Variants in POLN observed in about 807,000 individuals in gnomAD.
POLN encodes DNA polymerase nu.
In POLN, 108 loss-of-function variants were observed where a neutral mutation model predicts 113.5. The ratio of observed to expected loss-of-function variants is 0.95; its 90% CI spans 0.81 to 1.12. The LOEUF is 1.12. Among genes scored for constraint, POLN ranks in the 50% most tolerant of loss-of-function variants. The probability of loss-of-function intolerance (pLI) is 0.00; values close to 1 mark genes in which losing one functional copy is unlikely to be tolerated. For synonymous variants in POLN, 386 were observed against 391.5 expected (o/e 0.99, Z 0.17); for missense variants, 1,097 against 1,077.1 (o/e 1.02, Z -0.26).
intron 2 of POLN, chr4:2,240,758 A>G (rs1424226585): frequency 6.2e-7 from 1 of 1,613,994 alleles, no homozygotes; most frequent in Middle Eastern, 1.6e-4. Context: ...ATTTCTGAAG[A>G]ATGCTAAAAG....
At position 2,179,419 on chromosome 4, in the gene POLN, T is replaced by C; in HGVS notation, c.1068A>G (p.Ile356Met). 2 of 1,613,982 alleles carry C rather than the reference T, an allele frequency of 1.2e-6. No individual in the cohort carries two copies. The highest frequency in any genetic ancestry group is 8.5e-7 in the Non-Finnish European group (1 of 1,179,832). The change falls in exon 8 of 26, where the codon ATA becomes ATG. Residue 356 changes from isoleucine to methionine, a missense_variant. Coordinates refer to ENST00000511885, the MANE Select transcript of POLN (RefSeq NM_181808.4). ...GLDPRIAAWL[I>M]DPSDATPSFE... Reference sequence around the variant, plus strand: ...AAGAGGGTGTGGCATCACTAGGATCTATAAGCCATGCAGCAATTCTGGGAT... The same window carrying C: ...AAGAGGGTGTGGCATCACTAGGATCCATAAGCCATGCAGCAATTCTGGGAT...
At chr4:2,078,021 G>C (rs1730316804) in intron 23 of POLN, among the ~76,000 whole-genome samples, 1 of 152,212 alleles carries the variant, frequency 6.6e-6, no homozygotes, top group African/African-American at 2.4e-5. Flanking sequence ...ACCAGTAGGA[G>C]AATGTTCCAG....
intron 19 of POLN, among the ~76,000 whole-genome samples, chr4:2,108,041 C>T (rs918824430): frequency 7.9e-5 from 12 of 152,196 alleles, no homozygotes; most frequent in Non-Finnish European, 2.9e-5. Flanking sequence ...TTCCCTTCCT[C>T]TGTTGGATTT....
chr4:2,176,412 C>G, intron 8 of POLN, 78 bp from the exon 9 acceptor site: 1 of 1,146,274 alleles, frequency 8.7e-7, no homozygotes, highest in Non-Finnish European at 1.2e-6. Flanking sequence ...ACTGACATGA[C>G]TTGAAAAATG....
Position 2,072,407 on chromosome 4 carries a change from C to A in POLN, c.2518-108G>T, listed in dbSNP as rs935318878. On this transcript the variant is annotated intron_variant, in intron 25 of 25. Coordinates refer to ENST00000511885, the MANE Select transcript of POLN (RefSeq NM_181808.4). Reference sequence around the variant, plus strand: ...GCCTACAGCACACAGGTGCACACATCCAGATACATGATCAGACAGCCACAC... The same window carrying A: ...GCCTACAGCACACAGGTGCACACATACAGATACATGATCAGACAGCCACAC... 3 of 931,838 alleles carry A rather than the reference C, an allele frequency of 3.2e-6. No individual in the cohort carries two copies. In the African/African-American group the frequency reaches 5.0e-5, roughly 16 times the overall value. The allele number at this position is 931,838 out of a possible 1,614,324, so 57.7% of individuals were successfully genotyped here. A position where few individuals can be genotyped will look rare whatever the true frequency, so the allele number is the denominator to read the frequency against.
At chr4:2,105,108 A>C (rs904323675) in intron 19 of POLN, among the ~76,000 whole-genome samples, 1 of 152,136 alleles carries the variant, frequency 6.6e-6, no homozygotes, top group Non-Finnish European at 1.5e-5. Flanking sequence ...CAGGCTCAAC[A>C]AATTTGCGAC....
At chr4:2,143,815 T>C (rs1405898176) in intron 16 of POLN, among the ~76,000 whole-genome samples, 3 of 152,166 alleles carry the variant, frequency 2.0e-5, no homozygotes, top group Admixed American at 6.5e-5. Flanking sequence ...TTTAAAAATA[T>C]ATGATCCAAC....
intron 8 of POLN, among the ~76,000 whole-genome samples, chr4:2,178,573 G>T (rs1733050792): frequency 6.6e-6 from 1 of 151,766 alleles, no homozygotes; most frequent in African/African-American, 2.4e-5. Flanking sequence ...ATAACTAGGG[G>T]TATCTCTAGC....
rs1010487158 is a variant in POLN, at chr4:2,093,525, G to A, written c.2065+2326C>T. ...AGGAGCTGATAGGGTTGGGGATCAA[G>A]CCCAGGCTGCCGGGCCCAGGACTGG... On this transcript the variant is annotated intron_variant, in intron 20 of 25. Transcript: ENST00000511885. The surrounding 1 kb of genome is among the most constrained non-coding windows in gnomAD (Gnocchi z 4.1). 6.6e-6 allele frequency among the ~76,000 whole-genome samples: 1 copy of A among 152,216 alleles called. No individual in the cohort carries two copies. Among genetic ancestry groups the A allele is most frequent in the Admixed American group, 6.5e-5 (1 of 15,290 alleles).
At chr4:2,151,958 T>C (rs1385605542) in intron 16 of POLN, among the ~76,000 whole-genome samples, 1 of 152,070 alleles carries the variant, frequency 6.6e-6, no homozygotes, top group African/African-American at 2.4e-5. Context: ...GGAGGGGGTG[T>C]GTGTGAGAAA....
At chr4:2,156,723 G>GA (rs1732442846) in intron 16 of POLN, 65 bp downstream of exon 16, 1 of 1,376,698 alleles carries the variant, frequency 7.3e-7, no homozygotes, top group Non-Finnish European at 1.0e-6. Context: ...CACATATGGA[G>GA]AAAAAACTTC....
At chr4:2,072,634 C>T (rs1015421363) in intron 25 of POLN, among the ~76,000 whole-genome samples, 1 of 152,176 alleles carries the variant, frequency 6.6e-6, no homozygotes, top group Non-Finnish European at 1.5e-5. Context: ...TGTGCTTGCC[C>T]CTCAGGGTCC....
At chr4:2,216,138 A>G (rs571068643) in intron 3 of POLN, among the ~76,000 whole-genome samples, 2 of 152,280 alleles carry the variant, frequency 1.3e-5, no homozygotes, top group South Asian at 4.2e-4. Flanking sequence ...GCCACCCCAG[A>G]AGATGGAAAT....
At chr4:2,135,349 G>A (rs999578779) in intron 16 of POLN, among the ~76,000 whole-genome samples, 6 of 152,212 alleles carry the variant, frequency 3.9e-5, no homozygotes, top group African/African-American at 1.2e-4. Flanking sequence ...CTCTCTGGAG[G>A]AGATATCAGC....
intron 16 of POLN, among the ~76,000 whole-genome samples, chr4:2,150,260 T>C (rs555519): frequency 0.76 from 115,405 of 151,976 alleles, 46,152 homozygotes; most frequent in Non-Finnish European, 0.89. Context: ...TTTTTATTAA[T>C]TGTATTATTT....
At chr4:2,236,472 T>C (rs1342745861) in intron 2 of POLN, 1 of 1,545,628 alleles carries the variant, frequency 6.5e-7, no homozygotes, top group Non-Finnish European at 8.9e-7. Flanking sequence ...ATGTAAAAAT[T>C]AAAATTATAG....
chr4:2,201,347 T>A (rs1441217358), intron 5 of POLN, among the ~76,000 whole-genome samples: 9 of 74,452 alleles, frequency 1.2e-4, no homozygotes, highest in Non-Finnish European at 1.8e-4. Flanking sequence ...ATGGCATATA[T>A]AAAAAAAAAT....
intron 19 of POLN, among the ~76,000 whole-genome samples, chr4:2,114,484 G>A (rs1057446297): frequency 1.3e-5 from 2 of 152,188 alleles, no homozygotes; most frequent in African/African-American, 2.4e-5. Flanking sequence ...ATTAATTTTT[G>A]AAAGACAATT....
intron 7 of POLN, 97 bp downstream of exon 7, chr4:2,193,107 G>T (rs756772694): frequency 1.1e-6 from 1 of 892,696 alleles, no homozygotes; most frequent in East Asian, 2.8e-5. Context: ...GGTCCTCCAG[G>T]AGTTGTGTGA....
Sources: gnomAD v4.1 joint callset for allele counts (sites outside exome capture counted in the v4.1 genomes callset) on GRCh38, gnomAD v4.1.1 for gene constraint, Gnocchi (gnomAD v3.1) non-coding constraint, MANE v1.5 for transcripts, NCBI Gene and HGNC (gene_info 2026-07-23, HGNC 2026-07-21) for gene names.